The following RGSL1 variants were observed in gnomAD, a reference collection of about 807,000 sequenced individuals.
RGSL1 encodes the protein regulator of G protein signaling like 1, also known as regulator of G protein signaling protein-like.
RGSL1 carries 97 observed loss-of-function variants against 124.7 expected under a neutral mutation model. That is an observed-to-expected ratio of 0.78 (90% CI 0.66 to 0.92). The LOEUF (loss-of-function observed/expected upper bound fraction) is 0.92. Ranked by LOEUF, RGSL1 falls within the 40% of genes least tolerant of loss-of-function variation. RGSL1 has a pLI of 0.00. For missense variants in RGSL1, 1,233 were observed against 1,288.4 expected (o/e 0.96, Z 0.66); for synonymous variants, 424 against 438.1 (o/e 0.97, Z 0.40).
chr1:182,558,048 A>G (rs2102348234), intron 21 of RGSL1, among the ~76,000 whole-genome samples: 1 of 151,806 alleles, frequency 6.6e-6, no homozygotes, highest in East Asian at 1.9e-4. Flanking sequence ...CTACTTAGGA[A>G]TAAAAAGAAG....
chr1:182,531,400 G>A (rs920089976), intron 13 of RGSL1, among the ~76,000 whole-genome samples: 1 of 152,120 alleles, frequency 6.6e-6, no homozygotes, highest in African/African-American at 2.4e-5. Context: ...ACAGAAAAAA[G>A]GAAGAAAGAG....
chr1:182,482,083 A>G (rs901762732), intron 6 of RGSL1, among the ~76,000 whole-genome samples: 4 of 152,244 alleles, frequency 2.6e-5, no homozygotes, highest in Non-Finnish European at 5.9e-5. Flanking sequence ...GGCTTGACCT[A>G]TGCAAATCAA....
At chr1:182,555,479 T>C (rs1303628491) in intron 20 of RGSL1, 1 of 155,870 alleles carries the variant, frequency 6.4e-6, no homozygotes, top group Non-Finnish European at 1.4e-5. Flanking sequence ...TGGCAGGATA[T>C]TGGCAATAAG....
rs1426425035 is a variant in RGSL1 at position 182,548,316 on chromosome 1, G to A, written c.2670-1G>A. The A allele has an allele frequency of 1.3e-6, 2 of 1,551,722 alleles. No individual in the cohort carries two copies. The highest frequency in any genetic ancestry group is 1.7e-4 in the Middle Eastern group (1 of 5,994). ...TTTCCTACTTCACATTTCTTTTTTA[G>A]ATTTAATGATCTGGTCAGTTCAGCC... is the stretch of plus-strand genomic sequence containing the variant. On this transcript the variant is annotated splice_acceptor_variant, in intron 15 of 21. Coordinates refer to ENST00000294854, the MANE Select transcript of RGSL1 (RefSeq NM_001137669.2). LOFTEE classifies it high-confidence loss of function.
At chr1:182,492,627 C>T (rs990704380) in intron 8 of RGSL1, among the ~76,000 whole-genome samples, 12 of 116,854 alleles carry the variant, frequency 1.0e-4, no homozygotes, top group African/African-American at 6.2e-5. Context: ...CTTTAAATAA[C>T]CTTTTTTTTT....
intron 4 of RGSL1, among the ~76,000 whole-genome samples, chr1:182,463,872 G>A (rs532541055): frequency 4.6e-5 from 7 of 152,250 alleles, no homozygotes; most frequent in African/African-American, 1.7e-4. Context: ...AGATCTAAAA[G>A]ACATATACAG....
At chr1:182,530,217 G>C in intron 11 of RGSL1, 27 bp from the exon 12 acceptor site, 1 of 1,506,544 alleles carries the variant, frequency 6.6e-7, no homozygotes, top group Non-Finnish European at 9.0e-7. Context: ...GAGGATTACA[G>C]CTTCTTTTCT....
At chr1:182,448,823 C>T (rs1479107555), upstream of RGSL1, among the ~76,000 whole-genome samples, 1 of 151,890 alleles carries the variant, frequency 6.6e-6, no homozygotes, top group South Asian at 2.1e-4. Context: ...TTAGAGTGAC[C>T]CTATTTGGTT....
chr1:182,508,693 A>C (rs980852509), intron 9 of RGSL1, among the ~76,000 whole-genome samples: 1 of 99,494 alleles, frequency 1.0e-5, no homozygotes, highest in African/African-American at 4.0e-5. Context: ...TTTTTTTTTT[A>C]ATTTATTTTT....
At chr1:182,552,363 C>T (rs532975859) in intron 18 of RGSL1, among the ~76,000 whole-genome samples, 11 of 152,266 alleles carry the variant, frequency 7.2e-5, no homozygotes, top group Non-Finnish European at 1.2e-4. Flanking sequence ...ATCCACCCCC[C>T]TCAGTGTCCC....
chr1:182,552,706 G>T (rs1660640949), intron 18 of RGSL1, among the ~76,000 whole-genome samples: 1 of 152,176 alleles, frequency 6.6e-6, no homozygotes, highest in South Asian at 2.1e-4. Context: ...ATGATTCAGG[G>T]GACGGGGAAG....
chr1:182,460,661 G>C (rs1228172649), intron 4 of RGSL1: 1 of 456,042 alleles, frequency 2.2e-6, no homozygotes, highest in South Asian at 1.5e-5. Context: ...ATTGGTGGTG[G>C]TGCTGGAGGG....
At chr1:182,520,598 T>C (rs1318145016) in intron 9 of RGSL1, among the ~76,000 whole-genome samples, 1 of 152,186 alleles carries the variant, frequency 6.6e-6, no homozygotes, top group African/African-American at 2.4e-5. Flanking sequence ...ATTGATTTTG[T>C]CTTAATTTTT....
intron 14 of RGSL1, 72 bp downstream of exon 14, chr1:182,532,863 C>T (rs1659279012): frequency 5.4e-6 from 8 of 1,467,918 alleles, no homozygotes; most frequent in African/African-American, 4.2e-5. Flanking sequence ...ACATAAGAAG[C>T]TTATTGCTTT....
At chr1:182,505,030 A>T (rs1558327687) in intron 9 of RGSL1, among the ~76,000 whole-genome samples, 1 of 152,100 alleles carries the variant, frequency 6.6e-6, no homozygotes, top group Non-Finnish European at 1.5e-5. Flanking sequence ...GAAAACCCTT[A>T]TTACCCCATA....
At chr1:182,455,677 G>T (rs974983660) in intron 2 of RGSL1, among the ~76,000 whole-genome samples, 4 of 152,196 alleles carry the variant, frequency 2.6e-5, no homozygotes, top group Non-Finnish European at 2.9e-5. Context: ...AACAGAGAAA[G>T]TAAAGGCACC....
intron 10 of RGSL1, 79 bp from the exon 11 acceptor site, chr1:182,527,500 C>A: frequency 8.0e-7 from 1 of 1,251,098 alleles, no homozygotes; most frequent in Non-Finnish European, 1.1e-6. Flanking sequence ...GGTCAATGCA[C>A]TTCCCCATTT....
At chr1:182,486,747 C>T (rs1160045982) in intron 6 of RGSL1, among the ~76,000 whole-genome samples, 1 of 152,142 alleles carries the variant, frequency 6.6e-6, no homozygotes, top group Admixed American at 6.5e-5. Context: ...GTGATCTTAG[C>T]TCACTGCAAC....
intron 4 of RGSL1, 90 bp downstream of exon 4, chr1:182,460,223 C>G (rs1407583074): frequency 2.1e-6 from 3 of 1,423,908 alleles, no homozygotes; most frequent in Non-Finnish European, 2.8e-6. Context: ...TAATCTTATG[C>G]CTGTATGTGT....
Sources: gnomAD v4.1 joint callset for allele counts (sites outside exome capture counted in the v4.1 genomes callset) on GRCh38, gnomAD v4.1.1 for gene constraint, MANE v1.5 for transcripts, NCBI Gene and HGNC (gene_info 2026-07-23, HGNC 2026-07-21) for gene names.